The following FRMD5 variants were observed in gnomAD, a reference collection of about 807,000 sequenced individuals.
FRMD5 encodes FERM domain containing 5, also known as FERM domain-containing protein 5.
In FRMD5, 20 loss-of-function variants were observed where a neutral mutation model predicts 69.0. The observed-to-expected ratio is 0.29, with a 90% CI of 0.20 to 0.42. The LOEUF is 0.42. Among genes scored for constraint, FRMD5 ranks in the 10% least tolerant of loss-of-function variants. FRMD5 has a pLI of 1.00. For synonymous variants in FRMD5, 271 were observed against 260.1 expected (o/e 1.04, Z -0.40); for missense variants, 595 against 708.6 (o/e 0.84, Z 1.82).
intron 1 of FRMD5, among the ~76,000 whole-genome samples, chr15:44,002,490 G>A (rs942075367): frequency 3.3e-5 from 5 of 151,962 alleles, no homozygotes; most frequent in African/African-American, 1.2e-4. Flanking sequence ...TGTGAGCATC[G>A]GCGGACTCAC....
chr15:43,932,660 C>T (rs1384528190), intron 1 of FRMD5, among the ~76,000 whole-genome samples: 1 of 152,230 alleles, frequency 6.6e-6, no homozygotes, highest in Non-Finnish European at 1.5e-5. Context: ...GAAATTAACT[C>T]AGCGTCCTGA....
Position 43,924,317 on chromosome 15 carries a change from G to T in FRMD5, c.103-8C>A. 1 of 1,600,574 alleles carries T rather than the reference G, an allele frequency of 6.2e-7. No homozygotes were observed. The highest frequency in any genetic ancestry group is 8.6e-7 in the Non-Finnish European group (1 of 1,169,022). ...CTGGCCTTTGGCATCTCTCTGCAAA[G>T]AAAGAAAACTCCATTGAGAAATGAG... On this transcript the variant is annotated splice_polypyrimidine_tract_variant and splice_region_variant and intron_variant, in intron 1 of 13. Coordinates refer to ENST00000417257, the MANE Select transcript of FRMD5 (RefSeq NM_032892.5).
At chr15:44,078,816 C>A (rs1038660456) in intron 1 of FRMD5, among the ~76,000 whole-genome samples, 1 of 151,902 alleles carries the variant, frequency 6.6e-6, no homozygotes, top group African/African-American at 2.4e-5. Context: ...TATAGGAGCC[C>A]AAACTATAAA....
intron 1 of FRMD5, among the ~76,000 whole-genome samples, chr15:44,008,775 C>G (rs900707396): frequency 6.6e-6 from 1 of 151,972 alleles, no homozygotes; most frequent in Non-Finnish European, 1.5e-5. Flanking sequence ...ACCTGTAATC[C>G]CAGCACTTTG....
At chr15:44,035,009 A>G (rs1891846028) in intron 1 of FRMD5, among the ~76,000 whole-genome samples, 1 of 152,230 alleles carries the variant, frequency 6.6e-6, no homozygotes, top group South Asian at 2.1e-4. Flanking sequence ...CTGGCCTATC[A>G]GAACACTTAA....
rs1006756307 is a variant in FRMD5 at position 44,137,360 on chromosome 15, C to T, written c.102+57593G>A. Reference sequence around the variant, plus strand: ...GAATTGCTGGCTCTGAGGAATGCAGCCCATGGCTGCAATTTGGGGATTAGA... The same window carrying T: ...GAATTGCTGGCTCTGAGGAATGCAGTCCATGGCTGCAATTTGGGGATTAGA... On this transcript the variant is annotated intron_variant, in intron 1 of 13. Coordinates refer to ENST00000417257, the MANE Select transcript of FRMD5 (RefSeq NM_032892.5). 2.0e-5 allele frequency among the ~76,000 whole-genome samples: 3 copies of T among 152,198 alleles called. No homozygotes were observed. The East Asian group carries it at 5.8e-4, about 29-fold the overall frequency.
upstream of FRMD5, among the ~76,000 whole-genome samples, chr15:44,195,622 A>G (rs573462462): frequency 2.0e-5 from 3 of 152,246 alleles, no homozygotes; most frequent in South Asian, 6.2e-4. Context: ...ACCCTGCAAC[A>G]CCGCGGTTCC....
intron 1 of FRMD5, among the ~76,000 whole-genome samples, chr15:43,931,567 T>A (rs2089676468): frequency 6.6e-6 from 1 of 151,970 alleles, no homozygotes; most frequent in African/African-American, 2.4e-5. Context: ...GTTTGACAAC[T>A]CATTTTATTG....
intron 1 of FRMD5, among the ~76,000 whole-genome samples, chr15:44,114,294 G>A (rs1309026552): frequency 6.6e-6 from 1 of 152,198 alleles, no homozygotes. Flanking sequence ...AGAGACAAAT[G>A]TTTTGTACTA....
intron 1 of FRMD5, among the ~76,000 whole-genome samples, chr15:43,940,574 C>A (rs767636490): frequency 2.0e-5 from 3 of 152,050 alleles, no homozygotes; most frequent in Non-Finnish European, 2.9e-5. Flanking sequence ...GGTACAAGGA[C>A]GTCGGTTGCA....
intron 1 of FRMD5, among the ~76,000 whole-genome samples, chr15:43,931,383 C>T (rs2089672252): frequency 6.6e-6 from 1 of 152,046 alleles, no homozygotes; most frequent in African/African-American, 2.4e-5. Context: ...CTCTGTCTCT[C>T]TCTCTCTCTT....
intron 1 of FRMD5, among the ~76,000 whole-genome samples, chr15:44,018,958 G>C (rs1305448251): frequency 6.6e-6 from 1 of 151,838 alleles, no homozygotes; most frequent in Non-Finnish European, 1.5e-5. Context: ...TGCAGTGGCT[G>C]ATCTCAGTTC....
At chr15:43,912,497 C>G (rs1347134551) in intron 4 of FRMD5, among the ~76,000 whole-genome samples, 1 of 152,036 alleles carries the variant, frequency 6.6e-6, no homozygotes, top group African/African-American at 2.4e-5. Flanking sequence ...CCTTTTGCCC[C>G]TTACTCACTG....
intron 1 of FRMD5, among the ~76,000 whole-genome samples, chr15:44,052,223 C>T (rs61406168): frequency 0.023 from 3,424 of 152,168 alleles, 141 homozygotes; most frequent in African/African-American, 0.079. Flanking sequence ...TGGTTTTATA[C>T]TTTGGGTTAC....
intron 1 of FRMD5, among the ~76,000 whole-genome samples, chr15:43,988,466 G>T (rs1459636650): frequency 7.0e-6 from 1 of 143,360 alleles, no homozygotes; most frequent in Non-Finnish European, 1.5e-5. Flanking sequence ...GGAAACATAA[G>T]TGTTTTTTTT....
chr15:44,000,955 A>T (rs1172036901), intron 1 of FRMD5, among the ~76,000 whole-genome samples: 1 of 152,132 alleles, frequency 6.6e-6, no homozygotes, highest in Non-Finnish European at 1.5e-5. Context: ...CTGGAACTAT[A>T]GGTGCGAGCC....
chr15:44,183,254 G>A (rs183957321), intron 1 of FRMD5, among the ~76,000 whole-genome samples: 4 of 152,218 alleles, frequency 2.6e-5, no homozygotes, highest in African/African-American at 9.6e-5. Context: ...CTGGAAAGGG[G>A]GGTAGCAGAG....
At chr15:43,900,106 T>TAAGG (rs1288250085) in intron 7 of FRMD5, among the ~76,000 whole-genome samples, 1 of 152,080 alleles carries the variant, frequency 6.6e-6, no homozygotes, top group Non-Finnish European at 1.5e-5. Context: ...CAGCCGTCTT[T>TAAGG]AAGGTCCTAG....
intron 1 of FRMD5, among the ~76,000 whole-genome samples, chr15:44,077,087 A>G (rs1196788658): frequency 1.3e-5 from 2 of 151,888 alleles, no homozygotes; most frequent in African/African-American, 4.8e-5. Flanking sequence ...TCTTTTGCTC[A>G]CTCTCTTGGA....
Sources: allele counts gnomAD v4.1 joint callset (sites outside exome capture counted in the v4.1 genomes callset), GRCh38; gene constraint gnomAD v4.1.1; transcripts MANE v1.5; gene names NCBI Gene and HGNC (gene_info 2026-07-23, HGNC 2026-07-21).